The following NKAIN2 variants were observed in gnomAD, a reference collection of about 807,000 sequenced individuals.
The protein encoded by NKAIN2 is sodium/potassium-transporting ATPase subunit beta-1-interacting protein 2.
Under a neutral mutation model 32.6 loss-of-function variants are expected in NKAIN2, and 14 were observed. The observed-to-expected ratio is 0.43, with a 90% CI of 0.28 to 0.67. The LOEUF is 0.67. Among genes scored for constraint, NKAIN2 ranks in the 30% least tolerant of loss-of-function variants. NKAIN2 has a pLI of 0.17. For missense variants in NKAIN2, 198 were observed against 258.3 expected (o/e 0.77, Z 1.60); for synonymous variants, 80 against 87.2 (o/e 0.92, Z 0.46).
intron 5 of NKAIN2, among the ~76,000 whole-genome samples, chr6:124,811,488 A>G (rs552045936): frequency 1.3e-5 from 2 of 152,288 alleles, no homozygotes; most frequent in East Asian, 3.9e-4. Context: ...GTCACAAAGA[A>G]TATTTATTCA....
At chr6:123,886,351 T>G (rs189200167) in intron 1 of NKAIN2, among the ~76,000 whole-genome samples, 5 of 152,246 alleles carry the variant, frequency 3.3e-5, no homozygotes, top group Admixed American at 1.3e-4. Context: ...TGGCATATTT[T>G]GCAGGCATTA....
intron 1 of NKAIN2, among the ~76,000 whole-genome samples, chr6:123,926,192 C>G (rs1775995389): frequency 6.6e-6 from 1 of 152,168 alleles, no homozygotes; most frequent in Admixed American, 6.5e-5. Flanking sequence ...GGGTCACAAA[C>G]AGTGAATAAT....
At chr6:124,454,674 T>C (rs1348943316) in intron 3 of NKAIN2, among the ~76,000 whole-genome samples, 2 of 152,032 alleles carry the variant, frequency 1.3e-5, no homozygotes, top group Non-Finnish European at 1.5e-5. Context: ...TCTGAAAACA[T>C]GCTTGGAAAT....
At chr6:123,883,126 G>C (rs1773526981) in intron 1 of NKAIN2, among the ~76,000 whole-genome samples, 1 of 152,080 alleles carries the variant, frequency 6.6e-6, no homozygotes, top group African/African-American at 2.4e-5. Context: ...CTCCTTTGCT[G>C]TTCTCCTAAT....
intron 3 of NKAIN2, among the ~76,000 whole-genome samples, chr6:124,447,860 T>C (rs964240631): frequency 6.6e-6 from 1 of 152,134 alleles, no homozygotes; most frequent in East Asian, 1.9e-4. Context: ...ATTAACACGA[T>C]GGCCCTCTGT....
chr6:124,709,713 A>G (rs376698344), intron 4 of NKAIN2, among the ~76,000 whole-genome samples: 2 of 151,234 alleles, frequency 1.3e-5, no homozygotes, highest in East Asian at 1.9e-4. Context: ...TATTGCGTCT[A>G]TTTGATTCTT....
intron 1 of NKAIN2, among the ~76,000 whole-genome samples, chr6:123,942,980 T>C (rs1481049691): frequency 1.3e-5 from 2 of 152,022 alleles, no homozygotes; most frequent in African/African-American, 4.8e-5. Context: ...ATTTTCTCTC[T>C]TAAAGCAGTC....
chr6:124,393,271 G>A (rs774014094), intron 3 of NKAIN2, among the ~76,000 whole-genome samples: 3 of 151,836 alleles, frequency 2.0e-5, no homozygotes, highest in African/African-American at 4.8e-5. Flanking sequence ...TAGCATCATC[G>A]TTACACAATG....
At chr6:124,541,230 C>T (rs1315687380) in intron 3 of NKAIN2, among the ~76,000 whole-genome samples, 1 of 152,140 alleles carries the variant, frequency 6.6e-6, no homozygotes, top group Non-Finnish European at 1.5e-5. Context: ...AAAATCTCCC[C>T]AGTGGGGAAC....
At chr6:124,270,914 A>G (rs549425375) in intron 1 of NKAIN2, among the ~76,000 whole-genome samples, 137 of 152,278 alleles carry the variant, frequency 9.0e-4, no homozygotes, top group African/African-American at 3.0e-3. Context: ...TTTCTGCCCT[A>G]AAATCCATTT....
intron 3 of NKAIN2, among the ~76,000 whole-genome samples, chr6:124,490,826 G>A (rs1184234040): frequency 6.6e-6 from 1 of 151,656 alleles, no homozygotes; most frequent in Non-Finnish European, 1.5e-5. Context: ...AGAGCAGAGG[G>A]CTAGAGTGCA....
intron 1 of NKAIN2, among the ~76,000 whole-genome samples, chr6:124,185,619 A>G (rs1332803429): frequency 6.6e-6 from 1 of 152,184 alleles, no homozygotes; most frequent in African/African-American, 2.4e-5. Flanking sequence ...AAAATCCAAG[A>G]AAGTAGAAGT....
chr6:124,062,043 C>T (rs1041755051), intron 1 of NKAIN2, among the ~76,000 whole-genome samples: 5 of 152,086 alleles, frequency 3.3e-5, no homozygotes, highest in African/African-American at 9.7e-5. Context: ...CCAAATAAAA[C>T]CAATGTTATA....
chr6:124,481,605 A>G (rs1179581995), intron 3 of NKAIN2, among the ~76,000 whole-genome samples: 1 of 152,170 alleles, frequency 6.6e-6, no homozygotes, highest in African/African-American at 2.4e-5. Flanking sequence ...TGGAATTTAG[A>G]TGCAAAGTGT....
intron 1 of NKAIN2, among the ~76,000 whole-genome samples, chr6:124,234,019 A>C (rs912514509): frequency 6.6e-6 from 1 of 152,126 alleles, no homozygotes; most frequent in Non-Finnish European, 1.5e-5. Context: ...CCCTTCTTCA[A>C]AATTATCCTG....
chr6:124,357,447 A>G (rs1230605379), intron 3 of NKAIN2, among the ~76,000 whole-genome samples: 2 of 152,168 alleles, frequency 1.3e-5, no homozygotes, highest in African/African-American at 4.8e-5. Context: ...GTACAGAAAG[A>G]TAGAAACTCA....
intron 3 of NKAIN2, among the ~76,000 whole-genome samples, chr6:124,586,444 G>T (rs1209727543): frequency 6.6e-6 from 1 of 152,096 alleles, no homozygotes; most frequent in African/African-American, 2.4e-5. Context: ...CTACTTGAGG[G>T]CGTAGGCTGG....
intron 4 of NKAIN2, among the ~76,000 whole-genome samples, chr6:124,666,712 T>G (rs557783523): frequency 6.6e-6 from 1 of 152,274 alleles, no homozygotes; most frequent in Non-Finnish European, 1.5e-5. Flanking sequence ...TGCAAGAACT[T>G]AAACAGCCTC....
intron 4 of NKAIN2, among the ~76,000 whole-genome samples, chr6:124,692,691 C>T (rs1273589402): frequency 6.6e-6 from 1 of 152,008 alleles, no homozygotes; most frequent in Non-Finnish European, 1.5e-5. Context: ...TGGCAGGCGC[C>T]TGTTGTCCCA....
Sources: gnomAD v4.1 joint callset for allele counts (sites outside exome capture counted in the v4.1 genomes callset) on GRCh38, gnomAD v4.1.1 for gene constraint, MANE v1.5 for transcripts, NCBI Gene and HGNC (gene_info 2026-07-23, HGNC 2026-07-21) for gene names.